The following CEP128 variants were observed in gnomAD, a reference collection of about 807,000 sequenced individuals.
The protein encoded by CEP128 is centrosomal protein 128kDa.
CEP128 carries 132 observed loss-of-function variants against 156.7 expected under a neutral mutation model. The ratio of observed to expected loss-of-function variants is 0.84; its 90% CI spans 0.73 to 0.97. CEP128 has a LOEUF of 0.97. CEP128 is among the 50% of genes least tolerant of loss of function. The pLI, the probability that CEP128 is intolerant of heterozygous loss-of-function variation, is 0.00. For synonymous variants in CEP128, 469 were observed against 448.9 expected, an observed-to-expected ratio of 1.04 and a Z score of -0.57; for missense variants, 1,252 against 1,281.9, an observed-to-expected ratio of 0.98 and a Z score of 0.36.
intron 19 of CEP128, among the ~76,000 whole-genome samples, chr14:80,671,633 G>A (rs1253465468): frequency 1.3e-5 from 2 of 151,992 alleles, no homozygotes; most frequent in African/African-American, 2.4e-5. Flanking sequence ...AAATAAACAG[G>A]CAATCTACTA....
rs1436194643 is a variant in CEP128 at position 80,934,818 on chromosome 14, ATTTGT to A, written c.-16+4562_-16+4566del. 2.7e-5 allele frequency among the ~76,000 whole-genome samples: 4 copies of A among 147,376 alleles called. No individual in the cohort carries two copies. In the East Asian group the frequency reaches 6.0e-4, roughly 22 times the overall value. ...TATATAAACCAAGACAAAAAAGAAT[ATTTGT>A]TTTAATTTTTTTTCTGTAAAATTAT... On this transcript the variant is annotated intron_variant, in intron 2 of 24. Coordinates refer to ENST00000555265, the MANE Select transcript of CEP128 (RefSeq NM_152446.5).
chr14:80,785,478 C>T lies in CEP128; in HGVS notation c.1628G>A (p.Arg543Gln), dbSNP rs573572660. 1.4e-5 allele frequency: 23 copies of T among 1,613,538 alleles called. No individual in the cohort carries two copies. The highest frequency in any genetic ancestry group is 1.9e-5 in the Non-Finnish European group (23 of 1,179,812). ...TGTTAGGACATCATTCAATTCCTTT[C>T]GAAGATTCTCTATTTGTTGTAATGC... Reference protein sequence around the residue: ...YAALQQIENLRKELNDVLTKR... With the variant: ...YAALQQIENLQKELNDVLTKR... The change falls in exon 15 of 25, where the codon CGA becomes CAA. Residue 543 changes from arginine (R) to glutamine (Q), a missense_variant. By Grantham distance (43) the Arg-to-Gln change is conservative. Transcript: ENST00000555265.
intron 13 of CEP128, among the ~76,000 whole-genome samples, chr14:80,794,752 C>T (rs1219029954): frequency 6.6e-6 from 1 of 152,002 alleles, no homozygotes; most frequent in African/African-American, 2.4e-5. Context: ...TCACTAACCA[C>T]TAAATTATAC....
intron 19 of CEP128, among the ~76,000 whole-genome samples, chr14:80,606,177 C>CA (rs200917276): frequency 0.016 from 2,471 of 152,158 alleles, 31 homozygotes; most frequent in Middle Eastern, 0.041. Context: ...AGTCCATTAA[C>CA]AAATTGTCAT....
chr14:80,707,516 G>A (rs368931617), intron 19 of CEP128, among the ~76,000 whole-genome samples: 4 of 151,986 alleles, frequency 2.6e-5, no homozygotes, highest in Admixed American at 1.3e-4. Flanking sequence ...CATGGCAAAT[G>A]GTATTTAAAT....
Position 80,627,358 on chromosome 14 carries a change from G to GT in CEP128, c.2807-46936dup, listed in dbSNP as rs1268285990. ...AGAATGTAAGTGAAAATAAAGAAAT[G>GT]TAAGAACCTTGTTGAAAGACTCTTA... On this transcript the variant is annotated intron_variant, in intron 19 of 24. Coordinates refer to ENST00000555265, the MANE Select transcript of CEP128 (RefSeq NM_152446.5). Among the ~76,000 whole-genome samples, 9 of 152,182 alleles carry GT rather than the reference G, an allele frequency of 5.9e-5. No individual in the cohort carries two copies. In the East Asian group the frequency reaches 1.5e-3, roughly 26 times the overall value.
At chr14:80,813,578 T>C (rs1484543093) in intron 13 of CEP128, among the ~76,000 whole-genome samples, 1 of 152,184 alleles carries the variant, frequency 6.6e-6, no homozygotes, top group Non-Finnish European at 1.5e-5. Context: ...ATATTCATTA[T>C]TCTTATTTTA....
chr14:80,645,695 C>A (rs559677274), intron 19 of CEP128, among the ~76,000 whole-genome samples: 6 of 152,196 alleles, frequency 3.9e-5, no homozygotes, highest in Non-Finnish European at 7.4e-5. Flanking sequence ...TTTTACCATA[C>A]AATCCAGCAA....
chr14:80,824,265 G>A (rs570479508), intron 13 of CEP128, among the ~76,000 whole-genome samples: 5 of 152,130 alleles, frequency 3.3e-5, no homozygotes, highest in Non-Finnish European at 7.4e-5. Context: ...TGATGGGAGG[G>A]GCTACTGCAA....
intron 23 of CEP128, among the ~76,000 whole-genome samples, chr14:80,512,045 G>A (rs114132904): frequency 1.2e-3 from 182 of 152,118 alleles, no homozygotes; most frequent in African/African-American, 4.1e-3. Context: ...AATGTCTTCT[G>A]CAACCACTGG....
Position 80,642,836 on chromosome 14 carries a change from A to T in CEP128, c.2807-62413T>A, listed in dbSNP as rs117104695. ...GGCGGCGCGACCTCAGCTCACTACA[A>T]CCTCAGCCTCCCAGTTCAGGCAATT... On this transcript the variant is annotated intron_variant, in intron 19 of 24. Transcript: ENST00000555265. 3.7e-3 allele frequency among the ~76,000 whole-genome samples: 565 copies of T among 151,816 alleles called. 14 individuals carry two copies. In the East Asian group the frequency reaches 0.066, roughly 18 times the overall value.
At chr14:80,638,274 G>A (rs763065988) in intron 19 of CEP128, among the ~76,000 whole-genome samples, 1 of 151,992 alleles carries the variant, frequency 6.6e-6, no homozygotes, top group Non-Finnish European at 1.5e-5. Context: ...AATACTTTAG[G>A]CCACGTAAAA....
At position 80,729,058 on chromosome 14, in the gene CEP128, G is replaced by GTGTGTGTGTGTGTGTGTGTGTGTGT. The variant is rs1344457542; in HGVS notation, c.2806+14016_2806+14017insACACACACACACACACACACACACA. Among the ~76,000 whole-genome samples the GTGTGTGTGTGTGTGTGTGTGTGTGT allele has an allele frequency of 2.0e-3, 212 of 105,054 alleles. 28 individuals are homozygous for GTGTGTGTGTGTGTGTGTGTGTGTGT. Among genetic ancestry groups the GTGTGTGTGTGTGTGTGTGTGTGTGT allele is most frequent in the East Asian group, 6.6e-3 (21 of 3,200 alleles). The allele number at this position is 105,054 out of a possible 152,430, so 68.9% of individuals were successfully genotyped here. ...CCTAGTCCCAGGCTGGGCTGGTGGGGGTGTGTGTGTGTGTGTGTGTGTGTG... is the reference window on the plus strand; with the variant it reads ...CCTAGTCCCAGGCTGGGCTGGTGGGGTGTGTGTGTGTGTGTGTGTGTGTGTGTGTGTGTGTGTGTGTGTGTGTGTG... On this transcript the variant is annotated intron_variant, in intron 19 of 24. Transcript: ENST00000555265.
At chr14:80,566,689 G>C (rs1014285841) in intron 20 of CEP128, among the ~76,000 whole-genome samples, 1 of 152,142 alleles carries the variant, frequency 6.6e-6, no homozygotes, top group Non-Finnish European at 1.5e-5. Context: ...CTCCAGGATG[G>C]GTGGCATTGG....
chr14:80,824,973 C>T (rs1696554305), intron 13 of CEP128, among the ~76,000 whole-genome samples: 1 of 152,172 alleles, frequency 6.6e-6, no homozygotes, highest in Non-Finnish European at 1.5e-5. Flanking sequence ...TACAGGTTCA[C>T]GTGGCTGGGG....
intron 19 of CEP128, among the ~76,000 whole-genome samples, chr14:80,593,070 T>C (rs985635671): frequency 2.0e-5 from 3 of 152,094 alleles, no homozygotes; most frequent in African/African-American, 7.2e-5. Flanking sequence ...ACTGGAAGCA[T>C]TCCCTTTGAA....
At chr14:80,610,613 T>C (rs1376015185) in intron 19 of CEP128, among the ~76,000 whole-genome samples, 1 of 152,114 alleles carries the variant, frequency 6.6e-6, no homozygotes, top group Non-Finnish European at 1.5e-5. Context: ...ATCAGTACCT[T>C]ATGGGAGAAC....
chr14:80,740,342 G>C (rs939570437), intron 19 of CEP128, among the ~76,000 whole-genome samples: 1 of 151,974 alleles, frequency 6.6e-6, no homozygotes, highest in African/African-American at 2.4e-5. Context: ...TTGTGTGCCT[G>C]TCAAAAATTC....
At chr14:80,959,274 G>C (rs187083658) in intron 1 of CEP128, among the ~76,000 whole-genome samples, 1 of 152,142 alleles carries the variant, frequency 6.6e-6, no homozygotes, top group Non-Finnish European at 1.5e-5. Context: ...TGTGTAGGTA[G>C]TTTGAAAAAA....
Sources: allele counts gnomAD v4.1 joint callset (sites outside exome capture counted in the v4.1 genomes callset), GRCh38; gene constraint gnomAD v4.1.1; transcripts MANE v1.5; gene names NCBI Gene and HGNC (gene_info 2026-07-23, HGNC 2026-07-21).